BEND4: variants seen among roughly 807,000 people sequenced by gnomAD.
BEND4 encodes BEN domain containing 4.
BEND4 carries 27 observed loss-of-function variants against 54.7 expected under a neutral mutation model. That is an observed-to-expected ratio of 0.49 (90% CI 0.36 to 0.68). The LOEUF is 0.68. BEND4 is among the 30% of genes least tolerant of loss of function. The pLI is 0.00. For missense variants in BEND4, 702 were observed against 697.2 expected (o/e 1.01, Z -0.08); for synonymous variants, 327 against 299.5 (o/e 1.09, Z -0.95).
At chr4:42,120,327 C>T (rs768703838) in intron 4 of BEND4, 33 bp from the exon 5 acceptor site, 29 of 1,585,450 alleles carry the variant, frequency 1.8e-5, no homozygotes, top group Middle Eastern at 1.7e-4. Context: ...CATTACCCAC[C>T]GAGCCAGCCA....
chr4:42,149,159 T>C (rs1016652043), intron 2 of BEND4, among the ~76,000 whole-genome samples: 2 of 152,250 alleles, frequency 1.3e-5, no homozygotes, highest in South Asian at 2.1e-4. Flanking sequence ...ATTACACTTC[T>C]GCGAGGGTGC....
At chr4:42,123,694 GAA>G (rs71664396) in intron 4 of BEND4, among the ~76,000 whole-genome samples, 3 of 50,808 alleles carry the variant, frequency 5.9e-5, no homozygotes, top group Non-Finnish European at 1.2e-4. Flanking sequence ...CTGTAATTCA[GAA>G]AAAAAAAAAA....
intron 5 of BEND4, 68 bp downstream of exon 5, chr4:42,119,986 G>C: frequency 1.3e-6 from 2 of 1,593,506 alleles, no homozygotes; most frequent in Non-Finnish European, 8.6e-7. Context: ...CACTTGTACG[G>C]GGAGAGCCAC....
At chr4:42,138,249 C>A (rs757704555) in intron 3 of BEND4, among the ~76,000 whole-genome samples, 1 of 152,222 alleles carries the variant, frequency 6.6e-6, no homozygotes, top group Middle Eastern at 3.4e-3. Context: ...TTATCCTGAC[C>A]TAAAAAAGAA....
chr4:42,115,287 G>T lies in BEND4; in HGVS notation c.*2231C>A, dbSNP rs1719757033. On this transcript the variant is annotated 3_prime_UTR_variant, in exon 6 of 6. Coordinates refer to ENST00000502486, the MANE Select transcript of BEND4 (RefSeq NM_207406.4). ...ACAGCAGCCTTCTCAGGAGGTAACAGTGACAGCCAAAACACAGGCTGCTGC... is the reference window on the plus strand; with the variant it reads ...ACAGCAGCCTTCTCAGGAGGTAACATTGACAGCCAAAACACAGGCTGCTGC... The T allele has an allele frequency of 6.6e-6, 1 of 152,294 alleles. No individual in the cohort carries two copies. Among genetic ancestry groups the T allele is most frequent in the Non-Finnish European group, 1.5e-5 (1 of 68,090 alleles). The allele number at this position is 152,294 out of a possible 1,614,324, so 9.4% of individuals were successfully genotyped here.
chr4:42,149,020 T>C (rs1236542627), intron 2 of BEND4, among the ~76,000 whole-genome samples: 1 of 152,208 alleles, frequency 6.6e-6, no homozygotes, highest in Non-Finnish European at 1.5e-5. Context: ...AAGATTCACT[T>C]CAACCCTTTC....
intron 4 of BEND4, among the ~76,000 whole-genome samples, chr4:42,124,878 G>A (rs1014969983): frequency 1.3e-5 from 2 of 152,110 alleles, no homozygotes; most frequent in Non-Finnish European, 2.9e-5. Context: ...TACTTTGGGA[G>A]CCTGGAAGGA....
At chr4:42,135,367 T>C (rs577371620) in intron 3 of BEND4, among the ~76,000 whole-genome samples, 133 of 152,218 alleles carry the variant, frequency 8.7e-4, no homozygotes, top group Non-Finnish European at 1.5e-3. Flanking sequence ...TCTGGAGCAC[T>C]AGGCACAGAA....
rs1474306869 is a variant in BEND4, at chr4:42,111,780, T to C, written c.*5738A>G. On this transcript the variant is annotated 3_prime_UTR_variant, in exon 6 of 6. Transcript: ENST00000502486. ...TTGGCTACCTGATGCCCCGGTGCTA[T>C]TTCTAACATCTAGGAGTTCCCAAAG... The C allele has an allele frequency of 2.0e-5, 3 of 152,222 alleles. No individual in the cohort carries two copies. The highest frequency in any genetic ancestry group is 2.9e-5 in the Non-Finnish European group (2 of 68,046). The allele number at this position is 152,222 out of a possible 1,614,324, so 9.4% of individuals were successfully genotyped here.
At chr4:42,123,699 A>ACAAAAAAAAC (rs1383312046) in intron 4 of BEND4, among the ~76,000 whole-genome samples, 3 of 147,576 alleles carry the variant, frequency 2.0e-5, no homozygotes, top group African/African-American at 7.7e-5. Context: ...ATTCAGAAAA[A>ACAAAAAAAAC]AAAAAAAAAA....
Position 42,151,984 on chromosome 4 carries a change from C to T in BEND4, c.160G>A (p.Ala54Thr). Residue 54 changes from alanine (A) to threonine (T), a missense_variant, in exon 2 of 6, where the codon GCG becomes ACG. Physicochemically the swap from Ala to Thr is moderately conservative, Grantham distance 58. Coordinates refer to ENST00000502486, the MANE Select transcript of BEND4 (RefSeq NM_207406.4). Reference sequence around the variant, plus strand: ...AAGGGCGGCGGGGGCGGCGGGGGCGCCCGCACGTGCGGCAGCTCCACCAGG... The same window carrying T: ...AAGGGCGGCGGGGGCGGCGGGGGCGTCCGCACGTGCGGCAGCTCCACCAGG... ...PTLVELPHVR[A>T]PPPPPPPFAP... 12 of 1,253,664 alleles carry T rather than the reference C, an allele frequency of 9.6e-6. No individual in the cohort carries two copies. Among genetic ancestry groups the T allele is most frequent in the Non-Finnish European group, 1.0e-5 (10 of 995,086 alleles). 77.7% of individuals were successfully genotyped at this position (1,253,664 alleles called of 1,614,324 possible).
At chr4:42,123,755 G>A (rs1366343083) in intron 4 of BEND4, among the ~76,000 whole-genome samples, 4 of 147,608 alleles carry the variant, frequency 2.7e-5, no homozygotes, top group Non-Finnish European at 5.9e-5. Flanking sequence ...GAAAGAAGCT[G>A]CTGCAATAGT....
chr4:42,130,483 A>C (rs1171274398), intron 3 of BEND4, among the ~76,000 whole-genome samples: 1 of 149,994 alleles, frequency 6.7e-6, no homozygotes, highest in East Asian at 1.9e-4. Flanking sequence ...CCGTCTCAAA[A>C]AAAAAAAAAA....
At chr4:42,142,345 C>T (rs868012832) in intron 3 of BEND4, among the ~76,000 whole-genome samples, 23 of 150,452 alleles carry the variant, frequency 1.5e-4, no homozygotes, top group African/African-American at 5.1e-4. Flanking sequence ...TCACGGCTGG[C>T]GCAGTGGCTC....
At chr4:42,138,251 A>T (rs1249510068) in intron 3 of BEND4, among the ~76,000 whole-genome samples, 1 of 152,184 alleles carries the variant, frequency 6.6e-6, no homozygotes, top group Non-Finnish European at 1.5e-5. Context: ...ATCCTGACCT[A>T]AAAAAGAACA....
chr4:42,145,208 T>C (rs1345999976), intron 2 of BEND4, among the ~76,000 whole-genome samples: 1 of 152,102 alleles, frequency 6.6e-6, no homozygotes, highest in African/African-American at 2.4e-5. Flanking sequence ...AAAAATAAGC[T>C]AGAACAGCTT....
At position 42,143,354 on chromosome 4, in the gene BEND4, G is replaced by A. The variant is rs942028608; in HGVS notation, c.1054+74C>T. ...ATACACATACACATACATGAGTACA[G>A]AAATACACAGACAGATGAGACAAGT... is the stretch of plus-strand genomic sequence containing the variant. On this transcript the variant is annotated intron_variant, in intron 3 of 5. Transcript: ENST00000502486. 1.1e-5 allele frequency: 14 copies of A among 1,303,514 alleles called. No individual in the cohort carries two copies. In the Admixed American group the frequency reaches 2.6e-4, roughly 24 times the overall value. 80.7% of individuals were successfully genotyped at this position (1,303,514 alleles called of 1,614,324 possible).
Position 42,120,284 on chromosome 4 carries a change from T to G in BEND4, c.1157A>C (p.Gln386Pro), listed in dbSNP as rs200762985. ...GTAGACAGGATAGTTGTTCAACAGCTGCTTGCTTCCCTGGAAAAGCGAAAT... is the reference window on the plus strand; with the variant it reads ...GTAGACAGGATAGTTGTTCAACAGCGGCTTGCTTCCCTGGAAAAGCGAAAT... ...PADQPTEGSK[Q>P]LLNNYPVYIT... is the part of the protein sequence containing the mutation. The change falls in exon 5 of 6, where the codon CAG becomes CCG. Residue 386 changes from glutamine (Q) to proline (P), a missense_variant. Coordinates refer to ENST00000502486, the MANE Select transcript of BEND4 (RefSeq NM_207406.4). 22 of 1,593,768 alleles carry G rather than the reference T, an allele frequency of 1.4e-5. No individual in the cohort carries two copies. In the East Asian group the frequency reaches 5.0e-4, roughly 36 times the overall value.
rs1721325064 is a variant in BEND4 at position 42,152,123 on chromosome 4, C to G, written c.21G>C (p.Pro7=). Residue 7 remains proline (P), a synonymous_variant, in exon 2 of 6, where the codon CCG becomes CCC. Coordinates refer to ENST00000502486, the MANE Select transcript of BEND4 (RefSeq NM_207406.4). MEEEMQ[P]AEEGPSVPKI... ...TGGGGACGCTGGGCCCCTCCTCTGC[C>G]GGCTGCATCTCTTCCTCCATCCGGC... 4.0e-6 allele frequency: 5 copies of G among 1,246,318 alleles called. No individual in the cohort carries two copies. Among genetic ancestry groups the G allele is most frequent in the Non-Finnish European group, 4.1e-6 (4 of 986,674 alleles). 77.2% of individuals were successfully genotyped at this position (1,246,318 alleles called of 1,614,324 possible). A position where few individuals can be genotyped will look rare whatever the true frequency, so the allele number is the denominator to read the frequency against.
Sources: gnomAD v4.1 joint callset for allele counts (sites outside exome capture counted in the v4.1 genomes callset) on GRCh38, gnomAD v4.1.1 for gene constraint, MANE v1.5 for transcripts, NCBI Gene and HGNC (gene_info 2026-07-23, HGNC 2026-07-21) for gene names.